Variants in SCGB2B2 observed in about 807,000 individuals in gnomAD.
SCGB2B2 encodes secretoglobin family 2B member 2.
A neutral mutation model predicts 7.6 loss-of-function variants in SCGB2B2; 11 were observed. That is an observed-to-expected ratio of 1.45 (90% confidence interval 0.91 to 2.40). The LOEUF is 2.40. SCGB2B2 is among the 30% of genes most tolerant of loss of function. The pLI, the probability that SCGB2B2 is intolerant of heterozygous loss-of-function variation, is 0.00. For missense variants in SCGB2B2, 104 were observed against 115.4 expected, an observed-to-expected ratio of 0.90 and a Z score of 0.45; for synonymous variants, 50 against 48.6, an observed-to-expected ratio of 1.03 and a Z score of -0.12.
intron 1 of SCGB2B2, among the ~76,000 whole-genome samples, chr19:34,643,773 G>A (rs2066911935): frequency 6.6e-6 from 1 of 152,060 alleles, no homozygotes; most frequent in Non-Finnish European, 1.5e-5. Flanking sequence ...TCTGTTCAAT[G>A]AGGATAGTCC....
Position 34,593,553 on chromosome 19 carries a change from G to A in SCGB2B2, c.*2C>T, listed in dbSNP as rs749227461. 1 of 1,552,058 alleles carries A rather than the reference G, an allele frequency of 6.4e-7. No individual in the cohort carries two copies. Among genetic ancestry groups the A allele is most frequent in the South Asian group, 1.2e-5 (1 of 84,144 alleles). On this transcript the variant is annotated 3_prime_UTR_variant, in exon 4 of 4. Coordinates refer to ENST00000601241, the MANE Select transcript of SCGB2B2 (RefSeq NM_001025591.4). ...AATATCTGATCTGCAGGGGTCCTCAGATCAGAAGGCTGCTTCTATGCAATC... is the reference window on the plus strand; with the variant it reads ...AATATCTGATCTGCAGGGGTCCTCAAATCAGAAGGCTGCTTCTATGCAATC...
At chr19:34,612,157 G>C (rs530203516) in intron 1 of SCGB2B2, among the ~76,000 whole-genome samples, 2 of 145,880 alleles carry the variant, frequency 1.4e-5, no homozygotes, top group South Asian at 4.4e-4. Context: ...CCCTGCCTCA[G>C]CCTCCCAAGT....
At chr19:34,672,476 T>G (rs1341664256) in intron 1 of SCGB2B2, among the ~76,000 whole-genome samples, 1 of 152,276 alleles carries the variant, frequency 6.6e-6, no homozygotes, top group Non-Finnish European at 1.5e-5. Flanking sequence ...TTTAGCAGCA[T>G]CTACAATTTA....
At chr19:34,638,350 GGAGAATT>G (rs1459874583) in intron 1 of SCGB2B2, 1 of 152,098 alleles carries the variant, frequency 6.6e-6, no homozygotes, top group African/African-American at 2.4e-5. Context: ...GGCTGAAGCA[GGAGAATT>G]GCTTGAATCC....
rs2067928095 is a variant in SCGB2B2 at position 34,676,027 on chromosome 19, A to AG, written c.-2430dup. 1 of 152,248 alleles carries AG rather than the reference A, an allele frequency of 6.6e-6. No homozygotes were observed. The highest frequency in any genetic ancestry group is 1.5e-5 in the Non-Finnish European group (1 of 68,072). The allele number at this position is 152,248 out of a possible 1,614,324, so 9.4% of individuals were successfully genotyped here. A position where few individuals can be genotyped will look rare whatever the true frequency, so the allele number is the denominator to read the frequency against. On this transcript the variant is annotated 5_prime_UTR_variant, in exon 1 of 4. It removes the in-frame stop codon of an upstream open reading frame in the 5' UTR. Coordinates refer to ENST00000601241, the MANE Select transcript of SCGB2B2 (RefSeq NM_001025591.4). ...ATCCCACACCTGGGAAGTAGACCCCAGCGCGGTTGCCGCTGGTTGTTCGGG... is the reference window on the plus strand; with the variant it reads ...ATCCCACACCTGGGAAGTAGACCCCAGGCGCGGTTGCCGCTGGTTGTTCGGG...
At chr19:34,641,540 G>A (rs2066841104) in intron 1 of SCGB2B2, among the ~76,000 whole-genome samples, 1 of 152,152 alleles carries the variant, frequency 6.6e-6, no homozygotes, top group South Asian at 2.1e-4. Flanking sequence ...TCGTGGAGCT[G>A]GTTTGGAGTT....
intron 1 of SCGB2B2, among the ~76,000 whole-genome samples, chr19:34,669,964 T>C (rs2067759058): frequency 6.6e-6 from 1 of 152,122 alleles, no homozygotes; most frequent in South Asian, 2.1e-4. Context: ...CAGGGCAGAG[T>C]AAACAGCTTA....
At chr19:34,627,997 T>A (rs1051456975) in intron 1 of SCGB2B2, among the ~76,000 whole-genome samples, 1 of 152,156 alleles carries the variant, frequency 6.6e-6, no homozygotes, top group Admixed American at 6.5e-5. Context: ...ACATGGAAAC[T>A]GAACAACTTC....
chr19:34,668,937 A>G (rs2067721707), intron 1 of SCGB2B2, among the ~76,000 whole-genome samples: 1 of 152,120 alleles, frequency 6.6e-6, no homozygotes, highest in South Asian at 2.1e-4. Context: ...AGGCTGCCCC[A>G]GCCAGCAGTG....
chr19:34,597,118 AC>A (rs1350067263), intron 1 of SCGB2B2, among the ~76,000 whole-genome samples: 2 of 151,400 alleles, frequency 1.3e-5, no homozygotes, highest in East Asian at 4.0e-4. Context: ...TCACTCAATC[AC>A]CTGCCTGTGC....
At chr19:34,615,210 G>A (rs1321579258) in intron 1 of SCGB2B2, among the ~76,000 whole-genome samples, 7 of 152,170 alleles carry the variant, frequency 4.6e-5, no homozygotes, top group Non-Finnish European at 7.4e-5. Context: ...GCAGGACACA[G>A]GGTGGGCTTC....
intron 1 of SCGB2B2, chr19:34,635,480 G>A (rs1568436980): frequency 1.8e-5 from 5 of 283,474 alleles, no homozygotes; most frequent in Non-Finnish European, 2.2e-5. Flanking sequence ...CAAGATGGGA[G>A]CTTTTTCTGT....
chr19:34,662,722 A>C (rs1893590710), intron 1 of SCGB2B2, among the ~76,000 whole-genome samples: 1 of 152,194 alleles, frequency 6.6e-6, no homozygotes, highest in Admixed American at 6.5e-5. Context: ...GCCAAGGCAC[A>C]GGAGTTCAAG....
intron 1 of SCGB2B2, among the ~76,000 whole-genome samples, chr19:34,605,853 G>A (rs548482996): frequency 4.3e-4 from 65 of 152,048 alleles, no homozygotes; most frequent in African/African-American, 9.2e-4. Flanking sequence ...CTCAGCCTCC[G>A]AAACTGCTGG....
At position 34,645,680 on chromosome 19, in the gene SCGB2B2, G is replaced by A. The variant is rs962288300; in HGVS notation, c.-2032+29950C>T. On this transcript the variant is annotated intron_variant, in intron 1 of 3. Transcript: ENST00000601241. ...CACTGTCATGAGGATGACACCCACC[G>A]CCTGTGCTCTTCTGCTGGCTCTAAT... The A allele has an allele frequency of 8.6e-5, 36 of 417,148 alleles. 1 individual carries two copies. Among genetic ancestry groups the A allele is most frequent in the African/African-American group, 1.9e-4 (9 of 47,516 alleles). 25.8% of individuals were successfully genotyped at this position (417,148 alleles called of 1,614,324 possible).
chr19:34,600,392 A>AT (rs1403276952), intron 1 of SCGB2B2, among the ~76,000 whole-genome samples: 1 of 152,146 alleles, frequency 6.6e-6, no homozygotes, highest in Non-Finnish European at 1.5e-5. Context: ...TTATATTCAC[A>AT]TTTGTTGGGG....
At chr19:34,589,935 G>T (rs2065260586), downstream of SCGB2B2, among the ~76,000 whole-genome samples, 1 of 152,164 alleles carries the variant, frequency 6.6e-6, no homozygotes. Flanking sequence ...TGGAGCCCAG[G>T]GAGTTGGTCC....
rs1315689206 is a variant in SCGB2B2 at position 34,657,106 on chromosome 19, A to G, written c.-2032+18524T>C. ...ATACGAAACAATATAGAATAATTAT[A>G]CTTTTCTATATGGCAGCACGAACAT... On this transcript the variant is annotated intron_variant, in intron 1 of 3. Transcript: ENST00000601241. Among the ~76,000 whole-genome samples, 4 of 151,368 alleles carry G rather than the reference A, an allele frequency of 2.6e-5. 1 individual carries two copies. The highest frequency in any genetic ancestry group is 4.9e-5 in the African/African-American group (2 of 40,664).
At chr19:34,643,714 A>T (rs73042013) in intron 1 of SCGB2B2, among the ~76,000 whole-genome samples, 20,235 of 152,130 alleles carry the variant, frequency 0.13, 1,398 homozygotes, top group East Asian at 0.22. Context: ...TGTATCAATT[A>T]AAAAAAACTA....
Sources: gnomAD v4.1 joint callset for allele counts (sites outside exome capture counted in the v4.1 genomes callset) on GRCh38, gnomAD v4.1.1 for gene constraint, MANE v1.5 for transcripts, NCBI Gene and HGNC (gene_info 2026-07-23, HGNC 2026-07-21) for gene names.